FMO1: variants seen among roughly 807,000 people sequenced by gnomAD.
FMO1 encodes flavin-containing monooxygenase 1.
In FMO1, 36 loss-of-function variants were observed where a neutral mutation model predicts 45.4. That is an observed-to-expected ratio of 0.79 (90% CI 0.61 to 1.05). The LOEUF (loss-of-function observed/expected upper bound fraction) is 1.05. FMO1 is among the 50% of genes least tolerant of loss of function. The pLI is 0.00. For synonymous variants in FMO1, 228 were observed against 227.2 expected (o/e 1.00, Z -0.03); for missense variants, 615 against 640.3 (o/e 0.96, Z 0.43).
At position 171,267,637 on chromosome 1, in the gene FMO1, A is replaced by G. The variant is rs574601327; in HGVS notation, c.227A>G (p.Glu76Gly). The change falls in exon 3 of 9, where the codon GAA (glutamate) becomes GGA (glycine). Residue 76 changes from glutamate to glycine, a missense_variant. Coordinates refer to ENST00000617670, the MANE Select transcript of FMO1 (RefSeq NM_001282693.2). ...MSCYSDFPFPEDYPNYVPNSQ... is the reference protein window; with the variant it reads ...MSCYSDFPFPGDYPNYVPNSQ... ...TGTTACTCAGACTTTCCATTCCCAG[A>G]AGATTATCCAAACTATGTGCCAAAT... The G allele has an allele frequency of 2.5e-6, 4 of 1,614,058 alleles. No homozygotes were observed. The highest frequency in any genetic ancestry group is 3.3e-5 in the Admixed American group (2 of 60,016).
chr1:171,284,368 T>C (rs1046519907), intron 8 of FMO1, among the ~76,000 whole-genome samples: 1 of 152,084 alleles, frequency 6.6e-6, no homozygotes, highest in African/African-American at 2.4e-5. Context: ...TTGATCTTCA[T>C]TATGGAACTC....
chr1:171,267,009 A>G (rs1332375234), intron 2 of FMO1, among the ~76,000 whole-genome samples: 1 of 152,124 alleles, frequency 6.6e-6, no homozygotes, highest in Non-Finnish European at 1.5e-5. Flanking sequence ...CAACCCCTAA[A>G]TCTAATTGGT....
chr1:171,251,012 G>A (rs1379635380), intron 1 of FMO1, among the ~76,000 whole-genome samples: 3 of 152,116 alleles, frequency 2.0e-5, no homozygotes, highest in Admixed American at 2.0e-4. Context: ...TAATAGATAT[G>A]GTTGAAGGCA....
At chr1:171,276,134 T>C (rs892262467) in intron 4 of FMO1, among the ~76,000 whole-genome samples, 2 of 152,174 alleles carry the variant, frequency 1.3e-5, no homozygotes, top group African/African-American at 4.8e-5. Flanking sequence ...AATGGTTTGG[T>C]TTATTTCATC....
chr1:171,258,305 T>C, intron 2 of FMO1, 86 bp downstream of exon 2: 2 of 1,505,152 alleles, frequency 1.3e-6, no homozygotes. Context: ...TTCACAAGGG[T>C]TGGTGGCCTT....
intron 7 of FMO1, chr1:171,282,870 G>T: frequency 2.8e-6 from 1 of 357,496 alleles, no homozygotes. Context: ...TTAAACTCAA[G>T]CAAATGAGTG....
At chr1:171,267,761 GA>G in intron 3 of FMO1, 30 bp downstream of exon 3, 1 of 1,545,142 alleles carries the variant, frequency 6.5e-7, no homozygotes, top group South Asian at 1.2e-5. Context: ...TTAGTAGTCA[GA>G]AAGTATTTCC....
At chr1:171,275,055 C>G (rs1558014144) in intron 3 of FMO1, among the ~76,000 whole-genome samples, 2 of 152,206 alleles carry the variant, frequency 1.3e-5, no homozygotes, top group Non-Finnish European at 2.9e-5. Flanking sequence ...ATGAAAAAGG[C>G]ATCAGAAACT....
At chr1:171,264,503 G>A (rs1278092120) in intron 2 of FMO1, among the ~76,000 whole-genome samples, 1 of 151,860 alleles carries the variant, frequency 6.6e-6, no homozygotes, top group Non-Finnish European at 1.5e-5. Flanking sequence ...AAGTGTTTAT[G>A]TGGCATCTAT....
At chr1:171,283,957 G>T (rs1167714818) in intron 8 of FMO1, among the ~76,000 whole-genome samples, 2 of 152,092 alleles carry the variant, frequency 1.3e-5, no homozygotes, top group East Asian at 3.8e-4. Context: ...TATGGGAAAG[G>T]TTTTCACTTA....
At chr1:171,278,691 G>A (rs2101836935) in intron 4 of FMO1, 38 bp from the exon 5 acceptor site, 1 of 1,462,852 alleles carries the variant, frequency 6.8e-7, no homozygotes, top group Non-Finnish European at 9.3e-7. Context: ...CACTGATCCT[G>A]TTAATTCTCT....
chr1:171,280,884 G>C lies in FMO1; in HGVS notation c.726G>C (p.Met242Ile), dbSNP rs1661324435. The C allele has an allele frequency of 6.2e-7, 1 of 1,613,960 alleles. No homozygotes were observed. The highest frequency in any genetic ancestry group is 8.5e-7 in the Non-Finnish European group (1 of 1,179,860). The change falls in exon 6 of 9, where the codon ATG becomes ATC. Residue 242 changes from methionine to isoleucine, a missense_variant. By Grantham distance (10) the Met-to-Ile change is conservative (BLOSUM62 1). Coordinates refer to ENST00000617670, the MANE Select transcript of FMO1 (RefSeq NM_001282693.2). ...DMVFMTRFQN[M>I]LRNSLPTPIV... The stretch of plus-strand genomic sequence containing the variant: ...TGTTCATGACACGCTTTCAGAACAT[G>C]TTGAGAAATTCCCTCCCAACCCCAA...
intron 2 of FMO1, among the ~76,000 whole-genome samples, chr1:171,258,955 G>C (rs1660278333): frequency 6.6e-6 from 1 of 152,168 alleles, no homozygotes; most frequent in African/African-American, 2.4e-5. Context: ...CCTGAAGCCA[G>C]GCAGGGAAAA....
intron 6 of FMO1, among the ~76,000 whole-genome samples, chr1:171,281,522 C>A (rs1336553857): frequency 6.6e-6 from 1 of 152,164 alleles, no homozygotes; most frequent in Non-Finnish European, 1.5e-5. Flanking sequence ...TCTTGTGATT[C>A]CAAAGGTATA....
intron 4 of FMO1, among the ~76,000 whole-genome samples, chr1:171,276,433 T>C (rs1399959643): frequency 6.6e-6 from 1 of 152,230 alleles, no homozygotes; most frequent in African/African-American, 2.4e-5. Context: ...AGCCTCTTCT[T>C]GAACCCATTC....
intron 3 of FMO1, among the ~76,000 whole-genome samples, chr1:171,273,179 T>C (rs1232524672): frequency 2.0e-5 from 3 of 152,276 alleles, no homozygotes; most frequent in South Asian, 4.2e-4. Flanking sequence ...ACATCATCCA[T>C]GTAAGATATG....
At chr1:171,268,835 C>T (rs184080925) in intron 3 of FMO1, among the ~76,000 whole-genome samples, 76 of 152,332 alleles carry the variant, frequency 5.0e-4, no homozygotes, top group African/African-American at 1.7e-3. Context: ...TTGGCTGTGT[C>T]GCCATCCAAA....
rs147766258 is a variant in FMO1, at chr1:171,280,693, G to T, written c.628-93G>T. ...TTTTGAGAGTGGCAGACTTTTCAGT[G>T]CCTTTCCATTCATGACACTTCTTGA... is the stretch of plus-strand genomic sequence containing the variant. On this transcript the variant is annotated intron_variant, in intron 5 of 8. Transcript: ENST00000617670. 181 of 1,030,044 alleles carry T rather than the reference G, an allele frequency of 1.8e-4. No homozygotes were observed. The East Asian group carries it at 4.1e-3, about 23-fold the overall frequency. 63.8% of individuals were successfully genotyped at this position (1,030,044 alleles called of 1,614,324 possible).
chr1:171,262,943 A>C (rs1660437378), intron 2 of FMO1, among the ~76,000 whole-genome samples: 1 of 152,224 alleles, frequency 6.6e-6, no homozygotes, highest in African/African-American at 2.4e-5. Context: ...TTTTAAGGAA[A>C]TTAAAAGAAG....
Sources: gnomAD v4.1 joint callset for allele counts (sites outside exome capture counted in the v4.1 genomes callset) on GRCh38, gnomAD v4.1.1 for gene constraint, MANE v1.5 for transcripts, NCBI Gene and HGNC (gene_info 2026-07-23, HGNC 2026-07-21) for gene names.